The following MTFMT variants were observed in gnomAD, a reference collection of about 807,000 sequenced individuals.
The protein encoded by MTFMT is methionyl-tRNA formyltransferase, mitochondrial.
Under a neutral mutation model 51.8 loss-of-function variants are expected in MTFMT, and 47 were observed. The observed-to-expected ratio is 0.91, with a 90% CI of 0.72 to 1.16. The LOEUF is 1.16. Ranked by LOEUF, MTFMT falls within the 50% of genes most tolerant of loss-of-function variation. The probability of loss-of-function intolerance (pLI) is 0.00; values close to 1 mark genes in which losing one functional copy is unlikely to be tolerated. For synonymous variants in MTFMT, 196 were observed against 176.7 expected, an observed-to-expected ratio of 1.11 and a Z score of -0.87; for missense variants, 512 against 482.3, an observed-to-expected ratio of 1.06 and a Z score of -0.58.
At chr15:65,009,539 G>A (rs1364015907) in intron 6 of MTFMT, among the ~76,000 whole-genome samples, 1 of 152,146 alleles carries the variant, frequency 6.6e-6, no homozygotes, top group African/African-American at 2.4e-5. Flanking sequence ...AAATTCCGCT[G>A]ACTCTATCTC....
At chr15:65,024,337 C>T (rs2086402655) in intron 2 of MTFMT, among the ~76,000 whole-genome samples, 1 of 152,092 alleles carries the variant, frequency 6.6e-6, no homozygotes, top group African/African-American at 2.4e-5. Flanking sequence ...AAATCTACAA[C>T]AGCCCATGAT....
chr15:65,022,810 G>C (rs2086385730), intron 3 of MTFMT, among the ~76,000 whole-genome samples: 1 of 151,380 alleles, frequency 6.6e-6, no homozygotes, highest in Non-Finnish European at 1.5e-5. Flanking sequence ...AGGCTGAAGA[G>C]ATCCTCTCAC....
Position 65,026,960 on chromosome 15 carries a change from T to C in MTFMT, c.290A>G (p.Lys97Arg), listed in dbSNP as rs776793668. 3.1e-6 allele frequency: 5 copies of C among 1,614,018 alleles called. No individual in the cohort carries two copies. The East Asian group carries it at 1.1e-4, about 36-fold the overall frequency. The change falls in exon 2 of 9, where the codon AAG (lysine) becomes AGG (arginine). Residue 97 changes from lysine (K) to arginine (R), a missense_variant. Lys to Arg is a conservative substitution (Grantham distance 26). Coordinates refer to ENST00000220058, the MANE Select transcript of MTFMT (RefSeq NM_139242.4). Reference protein sequence around the residue: ...PSPSPKGLPVKQYAVQSQLPV... With the variant: ...PSPSPKGLPVRQYAVQSQLPV... ...AAGCTGAGACTGCACAGCATATTGC[T>C]TCACTGGCAGTCCTTTTGGTGATGG... is the stretch of plus-strand genomic sequence containing the variant.
At chr15:65,015,223 G>C (rs1304274656) in intron 6 of MTFMT, among the ~76,000 whole-genome samples, 1 of 152,048 alleles carries the variant, frequency 6.6e-6, no homozygotes, top group Middle Eastern at 3.2e-3. Context: ...AGTCAAGATG[G>C]AACCCAGCAC....
chr15:65,003,344 G>T, intron 8 of MTFMT, 88 bp from the exon 9 acceptor site: 1 of 1,023,932 alleles, frequency 9.8e-7, no homozygotes, highest in Non-Finnish European at 1.4e-6. Flanking sequence ...TTTTATCATG[G>T]AAACAAACAA....
rs1378219629 is a variant in MTFMT, at chr15:65,004,950, A to G, written c.893-14T>C. 5 of 1,582,210 alleles carry G rather than the reference A, an allele frequency of 3.2e-6. No homozygotes were observed. Among genetic ancestry groups the G allele is most frequent in the Non-Finnish European group, 3.5e-6 (4 of 1,151,918 alleles). On this transcript the variant is annotated splice_polypyrimidine_tract_variant and intron_variant, in intron 7 of 8. Transcript: ENST00000220058. The stretch of plus-strand genomic sequence containing the variant: ...TTAATTTTGGATCTGAAGAATGGAA[A>G]AAAGAAAAGATATACAAGAGAAAAA...
In MTFMT at chr15:65,001,620, G is replaced by A. The variant is rs528741096; in HGVS notation, c.*1442C>T. On this transcript the variant is annotated 3_prime_UTR_variant, in exon 9 of 9. Transcript: ENST00000220058. ...TTCATGCTTGTAATCCCAGCACTTTGAGAGGCCAAGGCAGGAGGATTGCTT... is the reference window on the plus strand; with the variant it reads ...TTCATGCTTGTAATCCCAGCACTTTAAGAGGCCAAGGCAGGAGGATTGCTT... The A allele has an allele frequency of 1.3e-5, 2 of 152,230 alleles. No individual in the cohort carries two copies. Among genetic ancestry groups the A allele is most frequent in the East Asian group, 3.8e-4 (2 of 5,200 alleles). 9.4% of individuals were successfully genotyped at this position (152,230 alleles called of 1,614,324 possible). A position where few individuals can be genotyped will look rare whatever the true frequency, so the allele number is the denominator to read the frequency against.
chr15:65,003,169 G>A lies in MTFMT; in HGVS notation c.1063C>T (p.Gln355Ter). Reference protein sequence around the residue: ...FYNGYLHPWYQKNSQAQPSQC... With the variant: ...FYNGYLHPWY ...CTTGGTTGAGCTTGGGAATTTTTCTGGTACCAGGGGTGCAAATATCCATTG... is the reference window on the plus strand; with the variant it reads ...CTTGGTTGAGCTTGGGAATTTTTCTAGTACCAGGGGTGCAAATATCCATTG... Residue 355 changes from glutamine (Q) to a stop codon, truncating the protein, a stop_gained, in exon 9 of 9, where the codon CAG becomes TAG. Transcript: ENST00000220058. LOFTEE classifies it high-confidence loss of function. 2 of 1,613,612 alleles carry A rather than the reference G, an allele frequency of 1.2e-6. No homozygotes were observed. The highest frequency in any genetic ancestry group is 1.7e-6 in the Non-Finnish European group (2 of 1,179,734).
chr15:65,021,800 C>G (rs2086376039), intron 3 of MTFMT, among the ~76,000 whole-genome samples, 184 bp from the exon 4 acceptor site: 1 of 152,138 alleles, frequency 6.6e-6, no homozygotes, highest in Non-Finnish European at 1.5e-5. Flanking sequence ...GGCAACACAG[C>G]TAGCCCCTAT....
chr15:65,024,273 C>T lies in MTFMT; in HGVS notation c.420-479G>A, dbSNP rs2086402001. Among the ~76,000 whole-genome samples, 3 of 152,252 alleles carry T rather than the reference C, an allele frequency of 2.0e-5. No homozygotes were observed. In the East Asian group the frequency reaches 5.8e-4, roughly 29 times the overall value. ...CCTGGGAGGCAGAGGTGCAGTGAAC[C>T]GAGATCACGCCATTGCACTCCAGCC... is the stretch of plus-strand genomic sequence containing the variant. On this transcript the variant is annotated intron_variant, in intron 2 of 8. Coordinates refer to ENST00000220058, the MANE Select transcript of MTFMT (RefSeq NM_139242.4).
chr15:65,024,447 T>C (rs1595892805), intron 2 of MTFMT, among the ~76,000 whole-genome samples: 1 of 152,216 alleles, frequency 6.6e-6, no homozygotes, highest in South Asian at 2.1e-4. Flanking sequence ...AATTTTATAG[T>C]TTAGTCACAT....
chr15:65,022,943 G>T (rs1272505676), intron 3 of MTFMT, among the ~76,000 whole-genome samples: 1 of 151,892 alleles, frequency 6.6e-6, no homozygotes, highest in African/African-American at 2.4e-5. Flanking sequence ...TCCCACCTCG[G>T]CCTCCCAAAG....
intron 5 of MTFMT, among the ~76,000 whole-genome samples, chr15:65,017,467 T>C (rs2086333393): frequency 2.0e-5 from 3 of 152,160 alleles, no homozygotes; most frequent in African/African-American, 7.2e-5. Flanking sequence ...TGCCCATCAA[T>C]AAGACATCTG....
At chr15:65,026,267 A>T in intron 2 of MTFMT, 1 of 175,712 alleles carries the variant, frequency 5.7e-6, no homozygotes, top group Admixed American at 5.6e-5. Context: ...ATGCGTCTTG[A>T]ACATGACACA....
At chr15:65,021,050 A>T (rs1221219949) in intron 4 of MTFMT, among the ~76,000 whole-genome samples, 2 of 152,230 alleles carry the variant, frequency 1.3e-5, no homozygotes, top group South Asian at 2.1e-4. Context: ...AGTTTCAATG[A>T]ATTATATATA....
chr15:65,013,654 C>A (rs956944772), intron 6 of MTFMT, among the ~76,000 whole-genome samples: 4 of 151,994 alleles, frequency 2.6e-5, no homozygotes, highest in Non-Finnish European at 4.4e-5. Flanking sequence ...GGGATAAATC[C>A]CACTTGGGGC....
chr15:65,006,153 T>C lies in MTFMT; in HGVS notation c.852A>G (p.Lys284=). The change falls in exon 7 of 9, where the codon AAA becomes AAG. Residue 284 remains lysine, a synonymous_variant. Transcript: ENST00000220058. ...TGTTAACTTCTACCAAATCCAGAAG[T>C]TTAATGGTATTCGCCATCCAGAGCG... ...LQTLWMANTI[K]LLDLVEVNSS... is the part of the protein sequence containing the mutation. The C allele has an allele frequency of 4.3e-6, 7 of 1,612,896 alleles. No individual in the cohort carries two copies. The highest frequency in any genetic ancestry group is 5.9e-6 in the Non-Finnish European group (7 of 1,179,314).
chr15:65,003,581 GC>G (rs2086195253), intron 8 of MTFMT, among the ~76,000 whole-genome samples: 1 of 152,066 alleles, frequency 6.6e-6, no homozygotes, highest in African/African-American at 2.4e-5. Flanking sequence ...TATAGGCCAG[GC>G]GTGGTGGCTC....
intron 8 of MTFMT, among the ~76,000 whole-genome samples, chr15:65,003,985 T>C (rs768371994): frequency 5.9e-5 from 9 of 151,978 alleles, no homozygotes; most frequent in Non-Finnish European, 2.9e-5. Context: ...TCACAGTCTG[T>C]AGGTCAGATC....
Sources: gnomAD v4.1 joint callset for allele counts (sites outside exome capture counted in the v4.1 genomes callset) on GRCh38, gnomAD v4.1.1 for gene constraint, MANE v1.5 for transcripts, NCBI Gene and HGNC (gene_info 2026-07-23, HGNC 2026-07-21) for gene names.